The following HIPK3 variants were observed in gnomAD, a reference collection of about 807,000 sequenced individuals.
HIPK3 encodes the protein homeodomain interacting protein kinase 3.
A neutral mutation model predicts 124.2 loss-of-function variants in HIPK3; 47 were observed. The ratio of observed to expected loss-of-function variants is 0.38; its 90% confidence interval spans 0.30 to 0.48. The LOEUF (loss-of-function observed/expected upper bound fraction) is 0.48, where lower values mean the gene tolerates loss of function less well. Ranked by LOEUF, HIPK3 falls within the 20% of genes least tolerant of loss-of-function variation. The pLI is 0.98. For synonymous variants in HIPK3, 482 were observed against 515.2 expected (o/e 0.94, Z 0.87); for missense variants, 1,286 against 1,454.3 (o/e 0.88, Z 1.88).
chr11:33,289,736 G>C (rs561338800), intron 2 of HIPK3, among the ~76,000 whole-genome samples: 1 of 152,028 alleles, frequency 6.6e-6, no homozygotes, highest in African/African-American at 2.4e-5. Flanking sequence ...TCACTCTGTT[G>C]TGCTATCAAA....
chr11:33,343,718 A>G (rs748162355), intron 8 of HIPK3, among the ~76,000 whole-genome samples: 7 of 152,184 alleles, frequency 4.6e-5, no homozygotes, highest in Non-Finnish European at 1.0e-4. Flanking sequence ...AACAGGTCAG[A>G]TCTTTAGTTA....
In HIPK3 at chr11:33,328,235, G is replaced by A. The variant is rs1474934107; in HGVS notation, c.1098-275G>A. Among the ~76,000 whole-genome samples the A allele has an allele frequency of 2.0e-5, 3 of 152,088 alleles. No homozygotes were observed. The East Asian group carries it at 5.8e-4, about 29-fold the overall frequency. ...CTGTAGTCTTAAAAACAAGATGTAT[G>A]TTTTTCCTTTTTCAAAAAATGTTAT... is the stretch of plus-strand genomic sequence containing the variant. On this transcript the variant is annotated intron_variant, in intron 2 of 16. Transcript: ENST00000303296.
At chr11:33,314,512 C>T (rs1017383175) in intron 2 of HIPK3, among the ~76,000 whole-genome samples, 3 of 151,992 alleles carry the variant, frequency 2.0e-5, no homozygotes, top group African/African-American at 7.2e-5. Flanking sequence ...AAAATTTAGC[C>T]AGCCATGGTG....
intron 1 of HIPK3, among the ~76,000 whole-genome samples, chr11:33,260,829 A>G (rs1850799547): frequency 6.6e-6 from 1 of 152,142 alleles, no homozygotes; most frequent in African/African-American, 2.4e-5. Context: ...ATTGTTGCCA[A>G]AATAAATATT....
chr11:33,276,674 A>G (rs887475340), intron 1 of HIPK3, among the ~76,000 whole-genome samples: 1 of 152,104 alleles, frequency 6.6e-6, no homozygotes, highest in Non-Finnish European at 1.5e-5. Context: ...TATATCTAAA[A>G]TGATCGTATT....
chr11:33,263,096 C>T (rs1287044372), intron 1 of HIPK3, among the ~76,000 whole-genome samples: 1 of 152,166 alleles, frequency 6.6e-6, no homozygotes, highest in African/African-American at 2.4e-5. Context: ...TCTTGAACTC[C>T]TGGGCCCAAG....
At chr11:33,258,826 C>T (rs1314894090) in intron 1 of HIPK3, 5 of 689,008 alleles carry the variant, frequency 7.3e-6, no homozygotes, top group Non-Finnish European at 8.9e-6. Context: ...ACCGTGTTTT[C>T]ACAACCTCTT....
chr11:33,328,458 G>T, intron 2 of HIPK3, 52 bp from the exon 3 acceptor site: 1 of 1,573,304 alleles, frequency 6.4e-7, no homozygotes, highest in Non-Finnish European at 8.7e-7. Context: ...GTTGAAATTA[G>T]GTAATTTTAG....
At chr11:33,336,488 T>C (rs1342653508) in intron 3 of HIPK3, among the ~76,000 whole-genome samples, 1 of 152,202 alleles carries the variant, frequency 6.6e-6, no homozygotes, top group East Asian at 1.9e-4. Flanking sequence ...TCAGACCCTC[T>C]TCATCTCTTC....
intron 1 of HIPK3, among the ~76,000 whole-genome samples, chr11:33,282,626 TG>T (rs1851441319): frequency 6.6e-6 from 1 of 151,726 alleles, no homozygotes; most frequent in South Asian, 2.1e-4. Context: ...GAGATTGCAG[TG>T]AGCTGAAATC....
intron 3 of HIPK3, among the ~76,000 whole-genome samples, 167 bp downstream of exon 3, chr11:33,328,800 T>C (rs1450441354): frequency 2.0e-5 from 3 of 152,194 alleles, no homozygotes; most frequent in Non-Finnish European, 4.4e-5. Flanking sequence ...TTTATAATGC[T>C]GAAGTAAGTT....
chr11:33,258,272 C>T (rs1037296709), intron 1 of HIPK3: 1 of 983,146 alleles, frequency 1.0e-6, no homozygotes, highest in Admixed American at 6.1e-5. Context: ...TTTAGTCCCA[C>T]GGGGAGCCTC....
At chr11:33,281,145 C>T (rs1361870636) in intron 1 of HIPK3, among the ~76,000 whole-genome samples, 4 of 146,774 alleles carry the variant, frequency 2.7e-5, no homozygotes, top group Non-Finnish European at 5.9e-5. Flanking sequence ...TCTTGGCTCA[C>T]TGCAACCTCC....
intron 1 of HIPK3, among the ~76,000 whole-genome samples, chr11:33,271,755 A>G (rs902562002): frequency 1.3e-5 from 2 of 152,178 alleles, no homozygotes; most frequent in African/African-American, 4.8e-5. Flanking sequence ...CTTAAATTTA[A>G]ACTTTCTTAA....
At chr11:33,316,137 C>CA (rs1415792312) in intron 2 of HIPK3, among the ~76,000 whole-genome samples, 1 of 152,136 alleles carries the variant, frequency 6.6e-6, no homozygotes, top group Non-Finnish European at 1.5e-5. Context: ...ACATTCATAA[C>CA]AAAAAATATT....
At chr11:33,276,486 G>A (rs920550585) in intron 1 of HIPK3, among the ~76,000 whole-genome samples, 1 of 152,048 alleles carries the variant, frequency 6.6e-6, no homozygotes, top group African/African-American at 2.4e-5. Flanking sequence ...ATATATAGTT[G>A]ATATACAATC....
intron 1 of HIPK3, among the ~76,000 whole-genome samples, chr11:33,286,128 A>T (rs1851543930): frequency 1.3e-5 from 2 of 152,138 alleles, no homozygotes; most frequent in African/African-American, 4.8e-5. Context: ...CTTCTCAGTA[A>T]ATATTTGTTA....
At chr11:33,307,811 TCTC>T (rs1852211973) in intron 2 of HIPK3, among the ~76,000 whole-genome samples, 1 of 151,822 alleles carries the variant, frequency 6.6e-6, no homozygotes, top group Non-Finnish European at 1.5e-5. Context: ...TAAAAGATAT[TCTC>T]CTTATGAAAC....
intron 2 of HIPK3, among the ~76,000 whole-genome samples, chr11:33,317,839 C>G (rs1852550938): frequency 6.6e-6 from 1 of 152,148 alleles, no homozygotes; most frequent in African/African-American, 2.4e-5. Context: ...GTATCTGTGA[C>G]TAATCACACC....
Sources: gnomAD v4.1 joint callset for allele counts (sites outside exome capture counted in the v4.1 genomes callset) on GRCh38, gnomAD v4.1.1 for gene constraint, MANE v1.5 for transcripts, NCBI Gene and HGNC (gene_info 2026-07-23, HGNC 2026-07-21) for gene names.